The following KCNN2 variants were observed in gnomAD, a reference collection of about 807,000 sequenced individuals.
The protein encoded by KCNN2 is potassium calcium-activated channel subfamily N member 2.
KCNN2 carries 24 observed loss-of-function variants against 55.5 expected under a neutral mutation model. The observed-to-expected ratio is 0.43, with a 90% confidence interval of 0.31 to 0.61. The LOEUF (loss-of-function observed/expected upper bound fraction) is 0.61, where lower values mean the gene tolerates loss of function less well. KCNN2 is among the 20% of genes least tolerant of loss of function. The pLI is 0.08. For synonymous variants in KCNN2, 431 were observed against 336.1 expected, an observed-to-expected ratio of 1.28 and a Z score of -3.09; for missense variants, 754 against 853.6, an observed-to-expected ratio of 0.88 and a Z score of 1.45.
chr5:114,307,708 T>C (rs141613491), intron 2 of KCNN2, among the ~76,000 whole-genome samples: 2 of 152,302 alleles, frequency 1.3e-5, no homozygotes, highest in East Asian at 1.9e-4. Flanking sequence ...TGATCGTATA[T>C]AATAAATTCA....
intron 1 of KCNN2, among the ~76,000 whole-genome samples, chr5:114,099,935 T>C (rs2112567534): frequency 6.6e-6 from 1 of 152,130 alleles, no homozygotes. Flanking sequence ...AAGTCTTTTG[T>C]ACTTTTGTAT....
At chr5:114,202,464 G>C (rs372647345) in intron 1 of KCNN2, among the ~76,000 whole-genome samples, 5 of 145,260 alleles carry the variant, frequency 3.4e-5, no homozygotes, top group East Asian at 2.0e-4. Context: ...GAAGAATCCT[G>C]GTTTTGTTAA....
chr5:114,079,029 T>C (rs1750743066), intron 1 of KCNN2, among the ~76,000 whole-genome samples: 1 of 152,150 alleles, frequency 6.6e-6, no homozygotes, highest in Non-Finnish European at 1.5e-5. Context: ...AGGACTTGCT[T>C]TTAATGACCC....
chr5:114,339,504 T>G (rs1250847576), intron 2 of KCNN2, among the ~76,000 whole-genome samples: 1 of 152,142 alleles, frequency 6.6e-6, no homozygotes, highest in Non-Finnish European at 1.5e-5. Context: ...ATGATTCTCT[T>G]TAAAATGCAG....
At chr5:114,306,873 TG>T (rs528576401) in intron 2 of KCNN2, among the ~76,000 whole-genome samples, 100 of 152,076 alleles carry the variant, frequency 6.6e-4, no homozygotes, top group African/African-American at 2.3e-3. Context: ...GCTAAGTTTT[TG>T]TATTTTTTTA....
chr5:114,082,782 A>G (rs1750852942), intron 1 of KCNN2, among the ~76,000 whole-genome samples: 1 of 152,226 alleles, frequency 6.6e-6, no homozygotes, highest in African/African-American at 2.4e-5. Context: ...CCTTGAAGAC[A>G]TTATGCTAAG....
At chr5:114,205,576 G>A (rs186133192) in intron 1 of KCNN2, among the ~76,000 whole-genome samples, 1 of 152,076 alleles carries the variant, frequency 6.6e-6, no homozygotes, top group Non-Finnish European at 1.5e-5. Flanking sequence ...AATAGAATTA[G>A]GACAAATGTA....
At chr5:114,295,967 A>G (rs190989423) in intron 2 of KCNN2, among the ~76,000 whole-genome samples, 1 of 152,334 alleles carries the variant, frequency 6.6e-6, no homozygotes, top group Non-Finnish European at 1.5e-5. Context: ...GAAAATATCT[A>G]TAATTTCCGC....
intron 2 of KCNN2, among the ~76,000 whole-genome samples, chr5:114,269,783 G>A (rs868825657): frequency 3.9e-5 from 6 of 152,102 alleles, no homozygotes; most frequent in African/African-American, 1.4e-4. Flanking sequence ...TAATTTGATT[G>A]TTTCAGGTCT....
intron 3 of KCNN2, among the ~76,000 whole-genome samples, chr5:114,417,677 AG>A (rs1366139469): frequency 1.8e-4 from 28 of 152,192 alleles, no homozygotes; most frequent in Non-Finnish European, 2.4e-4. Flanking sequence ...GAAAAGAACC[AG>A]GGGGACTGTT....
intron 1 of KCNN2, among the ~76,000 whole-genome samples, chr5:114,193,196 T>A (rs1462187889): frequency 6.6e-6 from 1 of 152,120 alleles, no homozygotes; most frequent in Non-Finnish European, 1.5e-5. Context: ...CTCCCCTGCA[T>A]GACTGAGTTT....
intron 1 of KCNN2, among the ~76,000 whole-genome samples, chr5:114,218,441 G>A (rs1328858976): frequency 3.3e-5 from 5 of 152,160 alleles, no homozygotes; most frequent in African/African-American, 4.8e-5. Flanking sequence ...CATGAAAGGA[G>A]GTGGAGAAAA....
At chr5:114,081,215 C>T (rs1423249390) in intron 1 of KCNN2, among the ~76,000 whole-genome samples, 1 of 152,018 alleles carries the variant, frequency 6.6e-6, no homozygotes, top group African/African-American at 2.4e-5. Flanking sequence ...GTCAGGTCTA[C>T]CCCCCAAAAT....
chr5:114,070,468 C>A (rs1750545654), intron 1 of KCNN2, among the ~76,000 whole-genome samples: 1 of 152,188 alleles, frequency 6.6e-6, no homozygotes, highest in African/African-American at 2.4e-5. Flanking sequence ...AAGAGCTAGT[C>A]CACACATCTC....
intron 1 of KCNN2, among the ~76,000 whole-genome samples, chr5:114,185,425 C>G (rs1017327457): frequency 7.9e-5 from 12 of 152,324 alleles, no homozygotes; most frequent in Middle Eastern, 3.4e-3. Flanking sequence ...ACCAGCCTGC[C>G]CACTGAGGCG....
intron 1 of KCNN2, among the ~76,000 whole-genome samples, chr5:114,058,849 T>C (rs1188977393): frequency 2.6e-5 from 4 of 152,108 alleles, no homozygotes; most frequent in African/African-American, 9.6e-5. Flanking sequence ...GGAGGGGCAT[T>C]TGGGAGGCCT....
chr5:114,494,872 A>G (rs949124963), intron 7 of KCNN2, among the ~76,000 whole-genome samples: 3 of 152,170 alleles, frequency 2.0e-5, no homozygotes, highest in Non-Finnish European at 4.4e-5. Flanking sequence ...TTATCAGTTC[A>G]TTTACCATCT....
chr5:114,114,812 A>G (rs6896260), intron 1 of KCNN2, among the ~76,000 whole-genome samples: 25,461 of 152,108 alleles, frequency 0.17, 2,224 homozygotes, highest in Middle Eastern at 0.22. Flanking sequence ...CTAGCTAGCA[A>G]GAAGAAATCA....
At chr5:114,102,015 T>C (rs1250827093) in intron 1 of KCNN2, among the ~76,000 whole-genome samples, 2 of 152,196 alleles carry the variant, frequency 1.3e-5, no homozygotes, top group African/African-American at 4.8e-5. Context: ...CACACTGTCT[T>C]CCACAGTGGT....
Sources: allele counts gnomAD v4.1 joint callset (sites outside exome capture counted in the v4.1 genomes callset), GRCh38; gene constraint gnomAD v4.1.1; transcripts MANE v1.5; gene names NCBI Gene and HGNC (gene_info 2026-07-23, HGNC 2026-07-21).